PDE7A: variants seen among roughly 807,000 people sequenced by gnomAD.
PDE7A encodes the protein high affinity 3',5'-cyclic-AMP phosphodiesterase 7A.
PDE7A carries 39 observed loss-of-function variants against 64.3 expected under a neutral mutation model. The observed-to-expected ratio is 0.61, with a 90% CI of 0.47 to 0.79. The LOEUF (loss-of-function observed/expected upper bound fraction) is 0.79, where lower values mean the gene tolerates loss of function less well. PDE7A is among the 30% of genes least tolerant of loss of function. The pLI is 0.00. For synonymous variants in PDE7A, 203 were observed against 206.8 expected (o/e 0.98, Z 0.16); for missense variants, 470 against 582.8 (o/e 0.81, Z 1.99).
chr8:65,836,206 T>G (rs1810946998), intron 1 of PDE7A, among the ~76,000 whole-genome samples: 1 of 152,216 alleles, frequency 6.6e-6, no homozygotes, highest in African/African-American at 2.4e-5. Context: ...AGGCAACTAT[T>G]ATGCTAACAG....
rs368594392 is a variant in PDE7A at position 65,767,240 on chromosome 8, C to T, written c.283+12480G>A. ...AAGCATGAACCTCAGATTTTTGTTA[C>T]GTAAATAAATCATCAATGACCAGCA... is the stretch of plus-strand genomic sequence containing the variant. On this transcript the variant is annotated intron_variant, in intron 3 of 12. Coordinates refer to ENST00000401827, the MANE Select transcript of PDE7A (RefSeq NM_001242318.3). 2.4e-3 allele frequency among the ~76,000 whole-genome samples: 372 copies of T among 152,160 alleles called. 2 individuals carry two copies. The highest frequency in any genetic ancestry group is 8.5e-3 in the African/African-American group (353 of 41,512).
In PDE7A at chr8:65,724,240, A is replaced by G; in HGVS notation, c.1162+15T>C. On this transcript the variant is annotated intron_variant, in intron 11 of 12. Coordinates refer to ENST00000401827, the MANE Select transcript of PDE7A (RefSeq NM_001242318.3). ...GAACTGGATAGATTAATTATCACTC[A>G]ATACTGTAACTTGCCTTGATGGAAG... The G allele has an allele frequency of 1.3e-6, 2 of 1,523,558 alleles. No individual in the cohort carries two copies. Among genetic ancestry groups the G allele is most frequent in the South Asian group, 1.1e-5 (1 of 89,164 alleles). 94.4% of individuals were successfully genotyped at this position (1,523,558 alleles called of 1,614,324 possible).
At chr8:65,764,109 G>A (rs967383350) in intron 3 of PDE7A, among the ~76,000 whole-genome samples, 1 of 152,156 alleles carries the variant, frequency 6.6e-6, no homozygotes, top group African/African-American at 2.4e-5. Flanking sequence ...GTACAGCAGT[G>A]CTAATCTCTA....
At chr8:65,821,927 T>C (rs959123127) in intron 1 of PDE7A, among the ~76,000 whole-genome samples, 3 of 152,218 alleles carry the variant, frequency 2.0e-5, no homozygotes, top group Non-Finnish European at 4.4e-5. Context: ...TCACAGTATA[T>C]TTCTACTGGA....
At position 65,763,154 on chromosome 8, in the gene PDE7A, T is replaced by C. The variant is rs532024012; in HGVS notation, c.284-15351A>G. 2.6e-5 allele frequency among the ~76,000 whole-genome samples: 4 copies of C among 152,146 alleles called. No homozygotes were observed. The East Asian group carries it at 7.7e-4, about 29-fold the overall frequency. ...CAACCAATATTCCCTCCCAAAAGAA[T>C]TGCTTAAGGGAGGGAATATTTGTTA... On this transcript the variant is annotated intron_variant, in intron 3 of 12. Transcript: ENST00000401827.
chr8:65,838,561 A>G (rs1332369704), intron 1 of PDE7A: 3 of 152,226 alleles, frequency 2.0e-5, no homozygotes, highest in African/African-American at 4.8e-5. Flanking sequence ...CAGCATCAAT[A>G]CTTAAAACTC....
At chr8:65,779,615 A>C (rs1809352445) in intron 3 of PDE7A, 105 bp downstream of exon 3, 1 of 633,596 alleles carries the variant, frequency 1.6e-6, no homozygotes, top group Admixed American at 2.7e-5. Context: ...CATTCCAAAC[A>C]TAATAGAGTT....
intron 7 of PDE7A, among the ~76,000 whole-genome samples, chr8:65,729,967 C>T (rs749290546): frequency 6.6e-6 from 1 of 151,784 alleles, no homozygotes; most frequent in Non-Finnish European, 1.5e-5. Flanking sequence ...AGGCGGTCCT[C>T]GCAGGGCTCC....
chr8:65,729,653 T>G (rs908327158), intron 7 of PDE7A, among the ~76,000 whole-genome samples: 1 of 151,898 alleles, frequency 6.6e-6, no homozygotes, highest in African/African-American at 2.4e-5. Context: ...AGCCTCTGCC[T>G]CCCAGGTTCA....
intron 3 of PDE7A, among the ~76,000 whole-genome samples, chr8:65,767,170 T>G (rs1044483410): frequency 5.3e-5 from 8 of 152,230 alleles, no homozygotes; most frequent in African/African-American, 1.7e-4. Flanking sequence ...CAGGATTGCA[T>G]GCACAGCTTT....
At chr8:65,798,993 G>A (rs1329003934) in intron 1 of PDE7A, among the ~76,000 whole-genome samples, 1 of 152,112 alleles carries the variant, frequency 6.6e-6, no homozygotes, top group Non-Finnish European at 1.5e-5. Flanking sequence ...GCCAGGGAAA[G>A]AGAAAGTATA....
intron 5 of PDE7A, among the ~76,000 whole-genome samples, chr8:65,741,621 A>C (rs1807440835): frequency 6.6e-6 from 1 of 152,236 alleles, no homozygotes; most frequent in African/African-American, 2.4e-5. Context: ...AAATGTTAAA[A>C]TGTGTTCAGG....
intron 5 of PDE7A, among the ~76,000 whole-genome samples, chr8:65,740,776 T>TCCCCA (rs1268797857): frequency 2.6e-5 from 4 of 152,086 alleles, no homozygotes; most frequent in African/African-American, 7.2e-5. Context: ...GGTACAACTA[T>TCCCCA]CCCCACCCCA....
At chr8:65,829,587 A>G (rs1276321273) in intron 1 of PDE7A, among the ~76,000 whole-genome samples, 6 of 152,128 alleles carry the variant, frequency 3.9e-5, no homozygotes, top group Admixed American at 6.5e-5. Flanking sequence ...CAACAGATTA[A>G]AAGTTGGAAG....
intron 1 of PDE7A, among the ~76,000 whole-genome samples, chr8:65,795,997 T>C (rs1389875530): frequency 6.6e-6 from 1 of 151,416 alleles, no homozygotes; most frequent in East Asian, 1.9e-4. Context: ...AAAAATACAG[T>C]ATCTATGCTA....
In PDE7A at chr8:65,718,147, T is replaced by C. The variant is rs1806215839; in HGVS notation, c.*1143A>G. On this transcript the variant is annotated 3_prime_UTR_variant, in exon 13 of 13. Coordinates refer to ENST00000401827, the MANE Select transcript of PDE7A (RefSeq NM_001242318.3). The stretch of plus-strand genomic sequence containing the variant: ...GGCAACTGGAGCAATCTGTTACAGC[T>C]TACCTACCAACCTTCCCCTCCCCCG... 6.6e-6 allele frequency: 1 copy of C among 152,228 alleles called. No homozygotes were observed. Among genetic ancestry groups the C allele is most frequent in the Admixed American group, 6.5e-5 (1 of 15,292 alleles). The allele number at this position is 152,228 out of a possible 1,614,324, so 9.4% of individuals were successfully genotyped here. A position where few individuals can be genotyped will look rare whatever the true frequency, so the allele number is the denominator to read the frequency against.
chr8:65,761,446 G>A (rs947131971), intron 3 of PDE7A, among the ~76,000 whole-genome samples: 1 of 152,092 alleles, frequency 6.6e-6, no homozygotes, highest in African/African-American at 2.4e-5. Flanking sequence ...GATTAAACTT[G>A]CCTTTATTAA....
intron 5 of PDE7A, 95 bp from the exon 6 acceptor site, chr8:65,739,692 A>G: frequency 8.3e-7 from 1 of 1,206,590 alleles, no homozygotes; most frequent in Non-Finnish European, 1.1e-6. Flanking sequence ...TAAAACATGG[A>G]AAGAGTAATA....
chr8:65,748,931 G>T (rs1195076612), intron 3 of PDE7A, among the ~76,000 whole-genome samples: 1 of 152,146 alleles, frequency 6.6e-6, no homozygotes, highest in Non-Finnish European at 1.5e-5. Context: ...TTCTGAATCT[G>T]CTCATCTTGC....
Sources: allele counts gnomAD v4.1 joint callset (sites outside exome capture counted in the v4.1 genomes callset), GRCh38; gene constraint gnomAD v4.1.1; transcripts MANE v1.5; gene names NCBI Gene and HGNC (gene_info 2026-07-23, HGNC 2026-07-21).